Variants in IGSF10 observed in about 807,000 individuals in gnomAD.
The protein encoded by IGSF10 is immunoglobulin superfamily member 10, also known as calvaria mechanical force protein 608.
IGSF10 carries 126 observed loss-of-function variants against 128.2 expected under a neutral mutation model. That is an observed-to-expected ratio of 0.98 (90% CI 0.85 to 1.14). IGSF10 has a LOEUF of 1.14. IGSF10 is among the 50% of genes most tolerant of loss of function. IGSF10 has a pLI of 0.00. For synonymous variants in IGSF10, 1,185 were observed against 1,146.2 expected, an observed-to-expected ratio of 1.03 and a Z score of -0.68; for missense variants, 3,295 against 3,149.8, an observed-to-expected ratio of 1.05 and a Z score of -1.10.
chr3:151,457,420 A>G (rs565996843), intron 3 of IGSF10, among the ~76,000 whole-genome samples: 14 of 152,270 alleles, frequency 9.2e-5, no homozygotes, highest in African/African-American at 3.1e-4. Context: ...TTTTATATAT[A>G]TGCTGTTCCC....
In IGSF10 at chr3:151,453,521, G is replaced by C; in HGVS notation, c.578C>G (p.Ser193Cys). Residue 193 changes from serine (S) to cysteine (C), a missense_variant, in exon 5 of 8, where the codon TCT (serine) becomes TGT (cysteine). Ser to Cys is a moderately radical substitution (Grantham distance 112). Coordinates refer to ENST00000282466, the MANE Select transcript of IGSF10 (RefSeq NM_178822.5). The stretch of plus-strand genomic sequence containing the variant: ...AGGGAGGGAGGTCAGGAAGTTATCA[G>C]ACAAGTATAGGAACTTAATGAAAGA... ...KISFIKFLYL[S>C]DNFLTSLPQE... 6.2e-7 allele frequency: 1 copy of C among 1,614,132 alleles called. No individual in the cohort carries two copies. The highest frequency in any genetic ancestry group is 1.7e-5 in the Admixed American group (1 of 60,026).
chr3:151,547,935 T>G, the IGSF10 span, among the ~76,000 whole-genome samples: 1 of 152,202 alleles, frequency 6.6e-6, no homozygotes, highest in South Asian at 2.1e-4. Context: ...CATTCTAGTT[T>G]TATATGTTTG....
At position 151,436,775 on chromosome 3, in the gene IGSF10, G is replaced by A. The variant is rs1720292442; in HGVS notation, c.7786C>T (p.Gln2596Ter). 1.2e-6 allele frequency: 2 copies of A among 1,613,976 alleles called. No homozygotes were observed. The highest frequency in any genetic ancestry group is 2.7e-5 in the African/African-American group (2 of 74,910). Residue 2596 changes from glutamine to a stop codon, truncating the protein, a stop_gained, in exon 8 of 8, where the codon CAA (glutamine) becomes TAA (stop). Transcript: ENST00000282466. LOFTEE classifies it low-confidence loss of function (END_TRUNC). ...LQGTLVIQNP[Q>*]TSDSGIYKCT... Reference sequence around the variant, plus strand: ...TTGTATATCCCAGAATCGGAGGTTTGGGGATTCTGAATGACTAGGGTACCT... The same window carrying A: ...TTGTATATCCCAGAATCGGAGGTTTAGGGATTCTGAATGACTAGGGTACCT...
chr3:151,525,876 C>CT, the IGSF10 span, among the ~76,000 whole-genome samples: 1 of 152,088 alleles, frequency 6.6e-6, no homozygotes, highest in African/African-American at 2.4e-5. Flanking sequence ...AATCCCTTCA[C>CT]TTTTTTTTCC....
chr3:151,509,083 A>G, the IGSF10 span, among the ~76,000 whole-genome samples: 1 of 152,204 alleles, frequency 6.6e-6, no homozygotes, highest in Non-Finnish European at 1.5e-5. Context: ...GATTCATGAA[A>G]GGATGAAAAG....
the IGSF10 span, among the ~76,000 whole-genome samples, chr3:151,600,300 A>T: frequency 1.3e-5 from 2 of 152,162 alleles, no homozygotes; most frequent in African/African-American, 2.4e-5. Context: ...GATACACAGT[A>T]AAAAGTGAAT....
chr3:151,591,268 T>C, the IGSF10 span, among the ~76,000 whole-genome samples: 3 of 151,744 alleles, frequency 2.0e-5, no homozygotes, highest in African/African-American at 7.3e-5. Flanking sequence ...ACATTAATTC[T>C]GCTATTAGGC....
At chr3:151,574,076 TGA>T in the IGSF10 span, among the ~76,000 whole-genome samples, 1 of 152,230 alleles carries the variant, frequency 6.6e-6, no homozygotes, top group Non-Finnish European at 1.5e-5. Flanking sequence ...GAGTTTCTGC[TGA>T]GAGATCTGCT....
upstream of IGSF10, among the ~76,000 whole-genome samples, chr3:151,463,430 G>A (rs986736795): frequency 6.7e-6 from 1 of 149,844 alleles, no homozygotes; most frequent in African/African-American, 2.5e-5. Flanking sequence ...AGATTGCTGA[G>A]GATAAAGAAT....
chr3:151,527,520 G>A, the IGSF10 span, among the ~76,000 whole-genome samples: 17 of 151,812 alleles, frequency 1.1e-4, no homozygotes, highest in African/African-American at 1.9e-4. Context: ...CATGTTACCC[G>A]CCCAATAAAA....
At chr3:151,604,538 C>T in the IGSF10 span, among the ~76,000 whole-genome samples, 6 of 150,706 alleles carry the variant, frequency 4.0e-5, no homozygotes, top group Admixed American at 1.3e-4. Flanking sequence ...ATCATCTTTC[C>T]CCCAGTACAT....
the IGSF10 span, among the ~76,000 whole-genome samples, chr3:151,521,005 C>T: frequency 3.3e-5 from 5 of 151,494 alleles, no homozygotes; most frequent in Non-Finnish European, 7.4e-5. Flanking sequence ...TAATGACACC[C>T]ACAGGCTCAA....
the IGSF10 span, among the ~76,000 whole-genome samples, chr3:151,504,365 CAG>C: frequency 1.7e-4 from 26 of 152,080 alleles, no homozygotes; most frequent in Non-Finnish European, 3.5e-4. Flanking sequence ...CATGTTTAAT[CAG>C]AGTTTCAGAA....
Position 151,458,727 on chromosome 3 carries a change from C to A in IGSF10, c.-1-17G>T, listed in dbSNP as rs765043008. The A allele has an allele frequency of 6.2e-7, 1 of 1,605,352 alleles. No homozygotes were observed. The highest frequency in any genetic ancestry group is 1.1e-5 in the South Asian group (1 of 89,500). Reference sequence around the variant, plus strand: ...ACCTTCATCCTGAAAAAACATCATACCTCAGAGTTATAAAGAGTGGTGGAG... The same window carrying A: ...ACCTTCATCCTGAAAAAACATCATAACTCAGAGTTATAAAGAGTGGTGGAG... On this transcript the variant is annotated splice_polypyrimidine_tract_variant and intron_variant, in intron 2 of 7. Transcript: ENST00000282466.
At chr3:151,567,458 C>T in the IGSF10 span, among the ~76,000 whole-genome samples, 1 of 152,240 alleles carries the variant, frequency 6.6e-6, no homozygotes, top group South Asian at 2.1e-4. Context: ...CACTGTAAAC[C>T]TACTTGAACT....
At chr3:151,490,505 A>T in the IGSF10 span, among the ~76,000 whole-genome samples, 5 of 148,964 alleles carry the variant, frequency 3.4e-5, no homozygotes, top group African/African-American at 7.4e-5. Flanking sequence ...TTTGAACTGC[A>T]TTTTTTTTTT....
At chr3:151,452,042 G>A (rs1721535162) in intron 5 of IGSF10, among the ~76,000 whole-genome samples, 1 of 152,190 alleles carries the variant, frequency 6.6e-6, no homozygotes, top group Admixed American at 6.5e-5. Flanking sequence ...ATGAACAACT[G>A]TCGAATCTCT....
Position 151,443,847 on chromosome 3 carries a change from G to A in IGSF10, c.5100C>T (p.Val1700=). The change falls in exon 7 of 8, where the codon GTC becomes GTT. Residue 1700 remains valine (V), a synonymous_variant. Coordinates refer to ENST00000282466, the MANE Select transcript of IGSF10 (RefSeq NM_178822.5). ...DLSKRKQNSR[V]QVLPNGTLSI... is the part of the protein sequence containing the mutation. ...ACAGGGTACCATTGGGGAGAACCTG[G>A]ACCCTGCTATTCTGTTTCCTCTTAG... 6 of 1,613,138 alleles carry A rather than the reference G, an allele frequency of 3.7e-6. No homozygotes were observed. Among genetic ancestry groups the A allele is most frequent in the Non-Finnish European group, 5.1e-6 (6 of 1,179,350 alleles).
In IGSF10 at chr3:151,447,453, G is replaced by C. The variant is rs142202060; in HGVS notation, c.2528C>G (p.Ser843Cys). Residue 843 changes from serine (S) to cysteine (C), a missense_variant, in exon 6 of 8, where the codon TCT (serine) becomes TGT (cysteine). Transcript: ENST00000282466. ...TAGTATTTGTGAATTCACAACAGGA[G>C]AGAATTCTGTGCCATAATTTATGTT... ...MTNINYGTEF[S>C]PVVNSQILPP... 2,215 of 1,614,150 alleles carry C rather than the reference G, an allele frequency of 1.4e-3. 6 individuals are homozygous for C. The highest frequency in any genetic ancestry group is 2.4e-3 in the South Asian group (220 of 91,084).
Sources: allele counts gnomAD v4.1 joint callset (sites outside exome capture counted in the v4.1 genomes callset), GRCh38; gene constraint gnomAD v4.1.1; transcripts MANE v1.5; gene names NCBI Gene and HGNC (gene_info 2026-07-23, HGNC 2026-07-21).